The following INSC variants were observed in gnomAD, a reference collection of about 807,000 sequenced individuals.
The protein encoded by INSC is INSC spindle orientation adaptor protein, also known as protein inscuteable homolog.
INSC carries 67 observed loss-of-function variants against 58.6 expected under a neutral mutation model. The ratio of observed to expected loss-of-function variants is 1.14; its 90% confidence interval spans 0.94 to 1.40. INSC has a LOEUF of 1.40. Among genes scored for constraint, INSC ranks in the 40% most tolerant of loss-of-function variants. The pLI, the probability that INSC is intolerant of heterozygous loss-of-function variation, is 0.00. For synonymous variants in INSC, 262 were observed against 276.1 expected, an observed-to-expected ratio of 0.95 and a Z score of 0.51; for missense variants, 714 against 692.0, an observed-to-expected ratio of 1.03 and a Z score of -0.36.
At chr11:15,240,289 C>A (rs1444289357) in intron 11 of INSC, among the ~76,000 whole-genome samples, 158 bp from the exon 12 acceptor site, 1 of 152,174 alleles carries the variant, frequency 6.6e-6, no homozygotes, top group African/African-American at 2.4e-5. Context: ...CGGGTCTGTT[C>A]ACCACTGAGG....
chr11:15,120,543 T>C (rs1342812885), intron 1 of INSC, among the ~76,000 whole-genome samples: 1 of 152,162 alleles, frequency 6.6e-6, no homozygotes, highest in Non-Finnish European at 1.5e-5. Flanking sequence ...CCAGCACGTG[T>C]GAGGGCACAC....
intron 2 of INSC, among the ~76,000 whole-genome samples, chr11:15,159,594 T>C (rs1397710983): frequency 6.6e-6 from 1 of 152,160 alleles, no homozygotes; most frequent in African/African-American, 2.4e-5. Context: ...GCACATGACA[T>C]TGGAACAGAG....
At chr11:15,111,929 T>G (rs1202559921), upstream of INSC, among the ~76,000 whole-genome samples, 1 of 152,218 alleles carries the variant, frequency 6.6e-6, no homozygotes, top group African/African-American at 2.4e-5. Flanking sequence ...CAGAACCTAG[T>G]ACTGTTCTAA....
intron 6 of INSC, among the ~76,000 whole-genome samples, chr11:15,196,548 T>C (rs991976054): frequency 6.6e-6 from 1 of 152,170 alleles, no homozygotes; most frequent in African/African-American, 2.4e-5. Flanking sequence ...CACTGCACAG[T>C]AATCAGCTTG....
chr11:15,185,832 C>T (rs1439377714), intron 5 of INSC, among the ~76,000 whole-genome samples: 1 of 152,108 alleles, frequency 6.6e-6, no homozygotes, highest in East Asian at 1.9e-4. Context: ...CTGGAAATTA[C>T]ATTCTTTCCA....
chr11:15,242,137 A>G (rs897237969), intron 12 of INSC, among the ~76,000 whole-genome samples: 1 of 152,224 alleles, frequency 6.6e-6, no homozygotes, highest in African/African-American at 2.4e-5. Flanking sequence ...GAGGAAATTA[A>G]CATGTAATGA....
intron 2 of INSC, among the ~76,000 whole-genome samples, chr11:15,154,949 G>A (rs1232331235): frequency 1.3e-5 from 2 of 152,178 alleles, no homozygotes; most frequent in Non-Finnish European, 2.9e-5. Flanking sequence ...GACATTTCAA[G>A]GCATAGTAGT....
chr11:15,176,022 A>G lies in INSC; in HGVS notation c.338A>G (p.His113Arg). ...VHSMSVRLTC[H>R]ARSMVSEYSA... is the part of the protein sequence containing the mutation. ...AGCATGAGCGTGCGTCTGACCTGCC[A>G]TGCCCGCTCCATGGTCAGCGAGTAC... Residue 113 changes from histidine to arginine, a missense_variant, in exon 3 of 13, where the codon CAT (histidine) becomes CGT (arginine). By Grantham distance (29) the His-to-Arg change is conservative. Transcript: ENST00000379556. 2.5e-6 allele frequency: 4 copies of G among 1,587,670 alleles called. No individual in the cohort carries two copies. Among genetic ancestry groups the G allele is most frequent in the Non-Finnish European group, 3.4e-6 (4 of 1,164,542 alleles).
At chr11:15,132,953 T>C (rs1204108603) in intron 1 of INSC, among the ~76,000 whole-genome samples, 3 of 152,200 alleles carry the variant, frequency 2.0e-5, no homozygotes, top group Non-Finnish European at 4.4e-5. Context: ...ATTAATGTTA[T>C]GAGTTGTCTA....
At chr11:15,172,858 T>C (rs1735311124) in intron 2 of INSC, among the ~76,000 whole-genome samples, 2 of 151,630 alleles carry the variant, frequency 1.3e-5, no homozygotes, top group Admixed American at 6.6e-5. Context: ...TCACGGAAGC[T>C]CTCTCATCTT....
chr11:15,190,476 G>T lies in INSC; in HGVS notation c.580-225G>T, dbSNP rs568763484. On this transcript the variant is annotated intron_variant, in intron 5 of 12. Transcript: ENST00000379556. Reference sequence around the variant, plus strand: ...AGGCTAGTTATGGCCTATGTATCAAGGGTTTGATATTATCCCATATCTCTA... The same window carrying T: ...AGGCTAGTTATGGCCTATGTATCAATGGTTTGATATTATCCCATATCTCTA... 7.2e-5 allele frequency among the ~76,000 whole-genome samples: 11 copies of T among 152,320 alleles called. No homozygotes were observed. The East Asian group carries it at 2.1e-3, about 29-fold the overall frequency.
At chr11:15,143,910 A>C (rs1430690414) in intron 1 of INSC, among the ~76,000 whole-genome samples, 1 of 152,164 alleles carries the variant, frequency 6.6e-6, no homozygotes, top group Non-Finnish European at 1.5e-5. Context: ...TCCCATTTTA[A>C]GGTGTAATCT....
the INSC span, among the ~76,000 whole-genome samples, chr11:15,265,787 A>T: frequency 5.6e-5 from 8 of 143,060 alleles, no homozygotes; most frequent in Non-Finnish European, 3.1e-5. Flanking sequence ...ATTTTTCGGT[A>T]TGGTAGGTAT....
chr11:15,184,599 T>C (rs1325656119), intron 5 of INSC: 1 of 152,560 alleles, frequency 6.6e-6, no homozygotes, highest in Non-Finnish European at 1.5e-5. Context: ...TTTCACCATG[T>C]TGGCCAGGGT....
rs1849552535 is a variant in INSC, at chr11:15,175,839, T to C, written c.155T>C (p.Ile52Thr). Residue 52 changes from isoleucine to threonine, a missense_variant, in exon 3 of 13, where the codon ATC becomes ACC. Coordinates refer to ENST00000379556, the MANE Select transcript of INSC (RefSeq NM_001042536.3). The stretch of plus-strand genomic sequence containing the variant: ...ATGTGTGTCCTGCAGGCCAAGCCCA[T>C]CAGCCTGGAAGAGGATGCACAGGGT... Reference protein sequence around the residue: ...ECMCVLQAKPISLEEDAQGDL... With the variant: ...ECMCVLQAKPTSLEEDAQGDL... 1 of 1,612,248 alleles carries C rather than the reference T, an allele frequency of 6.2e-7. No individual in the cohort carries two copies. Among genetic ancestry groups the C allele is most frequent in the South Asian group, 1.1e-5 (1 of 90,998 alleles).
chr11:15,200,186 C>G (rs1404897485), intron 6 of INSC, among the ~76,000 whole-genome samples: 1 of 148,354 alleles, frequency 6.7e-6, no homozygotes, highest in African/African-American at 2.5e-5. Flanking sequence ...CACACACACA[C>G]ACACAAACAG....
chr11:15,185,773 T>C (rs1849942496), intron 5 of INSC, among the ~76,000 whole-genome samples: 1 of 152,206 alleles, frequency 6.6e-6, no homozygotes, highest in African/African-American at 2.4e-5. Flanking sequence ...TTGAATACAT[T>C]TGCAAGAGTG....
intron 6 of INSC, among the ~76,000 whole-genome samples, chr11:15,194,342 A>T (rs1850292747): frequency 1.3e-5 from 2 of 152,206 alleles, no homozygotes; most frequent in Non-Finnish European, 2.9e-5. Context: ...AGTGGTTCCC[A>T]GTGCCCACTC....
At chr11:15,121,683 A>G (rs767286987) in intron 1 of INSC, among the ~76,000 whole-genome samples, 10 of 152,190 alleles carry the variant, frequency 6.6e-5, no homozygotes, top group Admixed American at 2.6e-4. Flanking sequence ...ATCGTTGATC[A>G]TTTTGAATCA....
Sources: allele counts gnomAD v4.1 joint callset (sites outside exome capture counted in the v4.1 genomes callset), GRCh38; gene constraint gnomAD v4.1.1; transcripts MANE v1.5; gene names NCBI Gene and HGNC (gene_info 2026-07-23, HGNC 2026-07-21).